PCDHGA4: variants seen among roughly 807,000 people sequenced by gnomAD.
The protein encoded by PCDHGA4 is protocadherin gamma subfamily A, 4.
A neutral mutation model predicts 54.6 loss-of-function variants in PCDHGA4; 38 were observed. The observed-to-expected ratio is 0.70, with a 90% CI of 0.54 to 0.91. The LOEUF is 0.91. PCDHGA4 is among the 40% of genes least tolerant of loss of function. PCDHGA4 has a pLI of 0.00. For missense variants in PCDHGA4, 1,298 were observed against 1,220.9 expected (o/e 1.06, Z -0.94); for synonymous variants, 511 against 512.9 (o/e 1.00, Z 0.05).
Position 141,355,282 on chromosome 5 carries a change from G to A in PCDHGA4, c.175G>A (p.Ala59Thr), listed in dbSNP as rs1759783448. The A allele has an allele frequency of 2.5e-6, 4 of 1,613,774 alleles. No homozygotes were observed. Among genetic ancestry groups the A allele is most frequent in the Non-Finnish European group, 3.4e-6 (4 of 1,179,904 alleles). Residue 59 changes from alanine (A) to threonine (T), a missense_variant, in exon 1 of 4, where the codon GCC becomes ACC. Physicochemically the swap from Ala to Thr is moderately conservative, Grantham distance 58. Coordinates refer to ENST00000571252, the MANE Select transcript of PCDHGA4 (RefSeq NM_018917.4). ...CCTGGGGGTTCTGGTGGAAATCAGGGCCGAACAGATTCTCTACTCGGTGTT... is the reference window on the plus strand; with the variant it reads ...CCTGGGGGTTCTGGTGGAAATCAGGACCGAACAGATTCTCTACTCGGTGTT... ...LLLGVLVEIR[A>T]EQILYSVFEE... is the part of the protein sequence containing the mutation.
At chr5:141,360,296 T>C (rs1304247078) in intron 1 of PCDHGA4, 1 of 1,613,922 alleles carries the variant, frequency 6.2e-7, no homozygotes, top group African/African-American at 1.3e-5. Context: ...GCCAAGGATC[T>C]GGGGCTCAGC....
At chr5:141,408,967 G>GC in intron 1 of PCDHGA4, 2 of 1,613,782 alleles carry the variant, frequency 1.2e-6, no homozygotes, top group Non-Finnish European at 1.7e-6. Context: ...GTGAAAATCT[G>GC]CCCCCTGGGT....
At chr5:141,407,881 C>T in intron 1 of PCDHGA4, 2 of 375,244 alleles carry the variant, frequency 5.3e-6, no homozygotes, top group Non-Finnish European at 9.5e-6. Context: ...ATATACATTT[C>T]GGAGACCGAA....
intron 1 of PCDHGA4, chr5:141,428,187 C>T: frequency 1.4e-6 from 2 of 1,439,502 alleles, no homozygotes; most frequent in Non-Finnish European, 1.9e-6. Context: ...GGACAGCCGC[C>T]GCTCTCTGCG....
chr5:141,455,983 C>T (rs542017964), intron 1 of PCDHGA4, among the ~76,000 whole-genome samples: 23 of 151,546 alleles, frequency 1.5e-4, no homozygotes, highest in African/African-American at 5.1e-4. Context: ...CTGCAAGCTC[C>T]GCCTCTCGGG....
chr5:141,418,759 C>T (rs527475797), intron 1 of PCDHGA4: 17 of 1,613,898 alleles, frequency 1.1e-5, no homozygotes, highest in Non-Finnish European at 1.4e-5. Flanking sequence ...CTACAGGAAA[C>T]ATTCTAACTC....
chr5:141,396,439 T>C (rs1191341482), intron 1 of PCDHGA4: 1 of 152,138 alleles, frequency 6.6e-6, no homozygotes, highest in African/African-American at 2.4e-5. Flanking sequence ...GCAAACATGG[T>C]GAAACCCCGT....
At chr5:141,421,444 A>T in intron 1 of PCDHGA4, 1 of 1,614,020 alleles carries the variant, frequency 6.2e-7, no homozygotes, top group Non-Finnish European at 8.5e-7. Flanking sequence ...CAGAGGGAAG[A>T]CACAGCTTTT....
chr5:141,421,902 C>A (rs1218675162), intron 1 of PCDHGA4: 1 of 1,613,706 alleles, frequency 6.2e-7, no homozygotes, highest in East Asian at 2.2e-5. Context: ...TCCGAAAGGG[C>A]GCAGTTCCCA....
chr5:141,376,245 A>T (rs554556778), intron 1 of PCDHGA4: 4 of 1,614,180 alleles, frequency 2.5e-6, no homozygotes, highest in African/African-American at 1.3e-5. Context: ...CGCTGGCACA[A>T]GTCACGCCTG....
intron 1 of PCDHGA4, chr5:141,420,084 A>G (rs1454284559): frequency 2.5e-6 from 4 of 1,613,890 alleles, no homozygotes; most frequent in African/African-American, 1.3e-5. Context: ...GGTCCCCCCA[A>G]CTACAGTGAG....
At chr5:141,413,267 GA>G in intron 1 of PCDHGA4, 1 of 1,613,960 alleles carries the variant, frequency 6.2e-7, no homozygotes, top group Non-Finnish European at 8.5e-7. Flanking sequence ...TGGGAGGCTG[GA>G]GCCCGGCAGA....
chr5:141,490,993 C>G lies in PCDHGA4; in HGVS notation c.2515-3814C>G, dbSNP rs746618787. 1.9e-6 allele frequency: 3 copies of G among 1,614,140 alleles called. No individual in the cohort carries two copies. Among genetic ancestry groups the G allele is most frequent in the Non-Finnish European group, 2.5e-6 (3 of 1,180,030 alleles). On this transcript the variant is annotated intron_variant, in intron 1 of 3. Coordinates refer to ENST00000571252, the MANE Select transcript of PCDHGA4 (RefSeq NM_018917.4). The surrounding 1 kb of genome is among the most constrained non-coding windows in gnomAD (Gnocchi z 5.4). ...CCAGCGTCTCCCTCGCTCTGCTCCT[C>G]CTGGCTCCTTGGTCACCAAGGTGAC...
At position 141,476,639 on chromosome 5, in the gene PCDHGA4, A is replaced by G; in HGVS notation, c.2515-18168A>G. 1.2e-6 allele frequency: 2 copies of G among 1,614,206 alleles called. No individual in the cohort carries two copies. Among genetic ancestry groups the G allele is most frequent in the Non-Finnish European group, 1.7e-6 (2 of 1,180,038 alleles). On this transcript the variant is annotated intron_variant, in intron 1 of 3. Transcript: ENST00000571252. The surrounding 1 kb of genome is among the most constrained non-coding windows in gnomAD (Gnocchi z 7.6). ...CAACTCTTTACAAACCTATGAGCTG[A>G]GCCGAAATGAATACTTTGCGCTTCG...
At chr5:141,384,470 A>G in intron 1 of PCDHGA4, 1 of 1,614,120 alleles carries the variant, frequency 6.2e-7, no homozygotes, top group South Asian at 1.1e-5. Context: ...GATTATGAGC[A>G]GTTGAGAGAA....
chr5:141,421,611 T>C lies in PCDHGA4; in HGVS notation c.2514+63990T>C, dbSNP rs747573417. 6.8e-6 allele frequency: 11 copies of C among 1,613,694 alleles called. No homozygotes were observed. The African/African-American group carries it at 1.3e-4, about 20-fold the overall frequency. On this transcript the variant is annotated intron_variant, in intron 1 of 3. Transcript: ENST00000571252. ...TGGAGGTGGAAATAATAGATATTAA[T>C]GATAACGCCCCCAGCTTCCAGGAGG...
chr5:141,362,277 C>CAAT (rs770934690), intron 1 of PCDHGA4: 12 of 1,614,048 alleles, frequency 7.4e-6, no homozygotes, highest in Non-Finnish European at 9.3e-6. Flanking sequence ...TCTCCCTGCG[C>CAAT]CTGCGACTCT....
chr5:141,487,340 G>A lies in PCDHGA4; in HGVS notation c.2515-7467G>A, dbSNP rs2099643329. 6.2e-7 allele frequency: 1 copy of A among 1,614,182 alleles called. No individual in the cohort carries two copies. Among genetic ancestry groups the A allele is most frequent in the Admixed American group, 1.7e-5 (1 of 60,024 alleles). The stretch of plus-strand genomic sequence containing the variant: ...GTGTCTTCGTGGGGCAGCCTGTGGA[G>A]TCACATGCTTTCCTGCTGGCACCTG... On this transcript the variant is annotated intron_variant, in intron 1 of 3. Coordinates refer to ENST00000571252, the MANE Select transcript of PCDHGA4 (RefSeq NM_018917.4). This position sits in a 1 kb window ranked among gnomAD's most constrained non-coding sequence, Gnocchi z 5.0.
chr5:141,507,810 G>A (rs550331241), intron 3 of PCDHGA4, among the ~76,000 whole-genome samples: 1 of 152,290 alleles, frequency 6.6e-6, no homozygotes, highest in African/African-American at 2.4e-5. Context: ...CCTGGGGAAC[G>A]GACCCTGGGG....
Sources: gnomAD v4.1 joint callset for allele counts (sites outside exome capture counted in the v4.1 genomes callset) on GRCh38, gnomAD v4.1.1 for gene constraint, Gnocchi (gnomAD v3.1) non-coding constraint, MANE v1.5 for transcripts, NCBI Gene and HGNC (gene_info 2026-07-23, HGNC 2026-07-21) for gene names.